STAC: variants seen among roughly 807,000 people sequenced by gnomAD.
STAC encodes the protein SH3 and cysteine-rich domain-containing protein.
Under a neutral mutation model 48.8 loss-of-function variants are expected in STAC, and 43 were observed. That is an observed-to-expected ratio of 0.88 (90% CI 0.69 to 1.14). The LOEUF (loss-of-function observed/expected upper bound fraction) is 1.14. Among genes scored for constraint, STAC ranks in the 50% most tolerant of loss-of-function variants. The pLI is 0.00. For missense variants in STAC, 497 were observed against 504.0 expected (o/e 0.99, Z 0.13); for synonymous variants, 193 against 179.5 (o/e 1.07, Z -0.60).
chr3:36,447,732 G>A (rs1219943580), intron 2 of STAC, among the ~76,000 whole-genome samples: 2 of 151,794 alleles, frequency 1.3e-5, no homozygotes, highest in Non-Finnish European at 2.9e-5. Flanking sequence ...CATCAGTGAA[G>A]TTGTCTCTTG....
rs565847091 is a variant in STAC, at chr3:36,399,180, G to T, written c.111+18426G>T. Among the ~76,000 whole-genome samples the T allele has an allele frequency of 4.6e-5, 7 of 152,304 alleles. No individual in the cohort carries two copies. The South Asian group carries it at 1.5e-3, about 32-fold the overall frequency. ...GGGACAGTTCCCATTAGTTGAGGGT[G>T]ATTCTCTAAAGGAAGAGAGATCTGC... On this transcript the variant is annotated intron_variant, in intron 1 of 10. Coordinates refer to ENST00000273183, the MANE Select transcript of STAC (RefSeq NM_003149.3).
intron 2 of STAC, among the ~76,000 whole-genome samples, chr3:36,471,001 G>A (rs555872061): frequency 3.3e-4 from 51 of 152,298 alleles, no homozygotes; most frequent in African/African-American, 1.2e-3. Context: ...GTTGTTTATA[G>A]TGGAGAGTAG....
chr3:36,441,212 T>C (rs1298435665), intron 1 of STAC, among the ~76,000 whole-genome samples: 1 of 152,154 alleles, frequency 6.6e-6, no homozygotes, highest in African/African-American at 2.4e-5. Flanking sequence ...CTAGCTGTCA[T>C]TTTTTAGTAA....
At chr3:36,431,895 T>C (rs1700713930) in intron 1 of STAC, among the ~76,000 whole-genome samples, 2 of 152,136 alleles carry the variant, frequency 1.3e-5, no homozygotes, top group South Asian at 4.1e-4. Context: ...CTCTCAGTAT[T>C]CAGTAGAAAA....
rs941212781 is a variant in STAC at position 36,397,773 on chromosome 3, G to A, written c.111+17019G>A. Reference sequence around the variant, plus strand: ...CACCCAAGTGCTCTTAGAATTTCAAGGATTTTATGAGCTTGTCTGAAAAAG... The same window carrying A: ...CACCCAAGTGCTCTTAGAATTTCAAAGATTTTATGAGCTTGTCTGAAAAAG... On this transcript the variant is annotated intron_variant, in intron 1 of 10. Coordinates refer to ENST00000273183, the MANE Select transcript of STAC (RefSeq NM_003149.3). Among the ~76,000 whole-genome samples, 3 of 152,214 alleles carry A rather than the reference G, an allele frequency of 2.0e-5. No homozygotes were observed. The South Asian group carries it at 6.2e-4, about 32-fold the overall frequency.
chr3:36,518,699 G>T (rs1316968106), intron 8 of STAC, among the ~76,000 whole-genome samples: 4 of 152,192 alleles, frequency 2.6e-5, no homozygotes, highest in African/African-American at 9.6e-5. Context: ...GTTAGTATTT[G>T]CCAGAATTTC....
Position 36,546,262 on chromosome 3 carries a change from C to A in STAC, c.1182C>A (p.Ile394=), listed in dbSNP as rs776664868. The A allele has an allele frequency of 1.2e-6, 2 of 1,614,032 alleles. No homozygotes were observed. The highest frequency in any genetic ancestry group is 8.5e-7 in the Non-Finnish European group (1 of 1,179,918). Residue 394 remains isoleucine (I), a synonymous_variant, in exon 11 of 11, where the codon ATC becomes ATA. Coordinates refer to ENST00000273183, the MANE Select transcript of STAC (RefSeq NM_003149.3). ...RVLSGKKKGL[I]PLDVLENI ...TCAGTGGAAAAAAGAAAGGCCTCAT[C>A]CCCCTTGATGTACTAGAAAACATCT...
rs78716435 is a variant in STAC at position 36,542,846 on chromosome 3, G to A, written c.1111-3345G>A. On this transcript the variant is annotated intron_variant, in intron 10 of 10. Transcript: ENST00000273183. ...ACCCAGAAATCTCTGTCAGGGATCC[G>A]TCTGTCTTGTATTGCACTAGTTCCC... 6.1e-3 allele frequency among the ~76,000 whole-genome samples: 931 copies of A among 152,242 alleles called. 12 individuals are homozygous for A. Among genetic ancestry groups the A allele is most frequent in the African/African-American group, 0.019 (807 of 41,552 alleles).
At chr3:36,437,563 TG>T (rs1696181598) in intron 1 of STAC, among the ~76,000 whole-genome samples, 1 of 131,968 alleles carries the variant, frequency 7.6e-6, no homozygotes, top group African/African-American at 2.9e-5. Context: ...CACTCATAGG[TG>T]GGAATTGAAC....
At chr3:36,469,150 C>CT (rs202133069) in intron 2 of STAC, among the ~76,000 whole-genome samples, 4,769 of 151,672 alleles carry the variant, frequency 0.031, 226 homozygotes, top group African/African-American at 0.11. Flanking sequence ...GACTGAATAC[C>CT]TTTTTTTTCA....
chr3:36,451,062 G>C (rs1212772215), intron 2 of STAC, among the ~76,000 whole-genome samples: 1 of 152,078 alleles, frequency 6.6e-6, no homozygotes, highest in African/African-American at 2.4e-5. Context: ...TTCTTGCCAT[G>C]AGTGAAATAT....
intron 1 of STAC, among the ~76,000 whole-genome samples, chr3:36,441,938 G>A (rs1696361485): frequency 1.4e-5 from 2 of 145,094 alleles, no homozygotes; most frequent in Admixed American, 1.4e-4. Context: ...ATTGTTTGGA[G>A]GTTTGTGTTT....
chr3:36,547,855 G>A lies in STAC; in HGVS notation c.*1566G>A, dbSNP rs906107402. ...TCTCTGATGCCACATGCAAAACCAG[G>A]TGTACGATGTCAAGATGGATTCTTT... On this transcript the variant is annotated 3_prime_UTR_variant, in exon 11 of 11. Coordinates refer to ENST00000273183, the MANE Select transcript of STAC (RefSeq NM_003149.3). 1 of 152,166 alleles carries A rather than the reference G, an allele frequency of 6.6e-6. No homozygotes were observed. The highest frequency in any genetic ancestry group is 2.4e-5 in the African/African-American group (1 of 41,434). 9.4% of individuals were successfully genotyped at this position (152,166 alleles called of 1,614,324 possible). A position where few individuals can be genotyped will look rare whatever the true frequency, so the allele number is the denominator to read the frequency against.
intron 8 of STAC, among the ~76,000 whole-genome samples, chr3:36,513,454 T>G (rs1429552475): frequency 6.6e-6 from 1 of 152,188 alleles, no homozygotes; most frequent in African/African-American, 2.4e-5. Context: ...CCTTCATATC[T>G]TACCTGGACT....
intron 1 of STAC, among the ~76,000 whole-genome samples, chr3:36,387,478 A>C (rs1699642427): frequency 6.6e-6 from 1 of 152,036 alleles, no homozygotes; most frequent in South Asian, 2.1e-4. Context: ...AACATTAATT[A>C]CTAATTCCCC....
At chr3:36,487,122 A>G (rs1697835147) in intron 5 of STAC, among the ~76,000 whole-genome samples, 1 of 152,236 alleles carries the variant, frequency 6.6e-6, no homozygotes, top group East Asian at 1.9e-4. Flanking sequence ...GGGGCAGGGC[A>G]CATGCCTGGG....
intron 2 of STAC, among the ~76,000 whole-genome samples, chr3:36,459,050 A>G (rs1696930048): frequency 6.6e-6 from 1 of 152,228 alleles, no homozygotes; most frequent in Admixed American, 6.5e-5. Flanking sequence ...ACTAAAATTC[A>G]GCAAGTAACT....
At chr3:36,418,292 T>G (rs1559483780) in intron 1 of STAC, among the ~76,000 whole-genome samples, 1 of 152,216 alleles carries the variant, frequency 6.6e-6, no homozygotes, top group African/African-American at 2.4e-5. Context: ...CAACTATGAT[T>G]GTATCTCTTA....
intron 8 of STAC, among the ~76,000 whole-genome samples, chr3:36,512,833 A>T (rs1182380075): frequency 6.6e-6 from 1 of 152,152 alleles, no homozygotes; most frequent in African/African-American, 2.4e-5. Context: ...TATAAAAGCC[A>T]GGCACTTGAT....
Sources: gnomAD v4.1 joint callset for allele counts (sites outside exome capture counted in the v4.1 genomes callset) on GRCh38, gnomAD v4.1.1 for gene constraint, MANE v1.5 for transcripts, NCBI Gene and HGNC (gene_info 2026-07-23, HGNC 2026-07-21) for gene names.